Variants in RPS6KC1 observed in about 807,000 individuals in gnomAD.
RPS6KC1 encodes ribosomal protein S6 kinase C1, also known as inactive ribosomal protein S6 kinase delta-1.
In RPS6KC1, 54 loss-of-function variants were observed where a neutral mutation model predicts 103.8. That is an observed-to-expected ratio of 0.52 (90% CI 0.42 to 0.65). RPS6KC1 has a LOEUF of 0.65. RPS6KC1 is among the 30% of genes least tolerant of loss of function. The probability of loss-of-function intolerance (pLI) is 0.00; values close to 1 mark genes in which losing one functional copy is unlikely to be tolerated. For synonymous variants in RPS6KC1, 439 were observed against 438.7 expected, an observed-to-expected ratio of 1.00 and a Z score of -0.01; for missense variants, 1,151 against 1,253.8, an observed-to-expected ratio of 0.92 and a Z score of 1.24.
At chr1:213,623,869 T>C in the RPS6KC1 span, among the ~76,000 whole-genome samples, 1 of 152,224 alleles carries the variant, frequency 6.6e-6, no homozygotes. Flanking sequence ...TGTATTCACC[T>C]GTCATCTTAC....
the RPS6KC1 span, among the ~76,000 whole-genome samples, chr1:213,357,646 G>A: frequency 0.018 from 2,813 of 152,268 alleles, 146 homozygotes; most frequent in East Asian, 0.19. Context: ...CTCTCACTAG[G>A]GCCACCCCTG....
chr1:213,152,753 A>G (rs1273047224), intron 6 of RPS6KC1, among the ~76,000 whole-genome samples: 2 of 149,376 alleles, frequency 1.3e-5, no homozygotes, highest in South Asian at 2.1e-4. Context: ...CTCACTTTCC[A>G]GACTGGGCAG....
At chr1:213,209,696 A>G (rs964021417) in intron 8 of RPS6KC1, among the ~76,000 whole-genome samples, 10 of 30,496 alleles carry the variant, frequency 3.3e-4, no homozygotes, top group African/African-American at 2.3e-3. Context: ...ACTCCGTCTC[A>G]AAAAAAAAAA....
the RPS6KC1 span, among the ~76,000 whole-genome samples, chr1:213,359,391 T>C: frequency 6.6e-6 from 1 of 152,174 alleles, no homozygotes. Flanking sequence ...TTGCCTTTTT[T>C]TGTTTTCCAT....
intron 3 of RPS6KC1, among the ~76,000 whole-genome samples, chr1:213,093,751 A>T (rs1205806998): frequency 6.6e-6 from 1 of 152,114 alleles, no homozygotes; most frequent in Non-Finnish European, 1.5e-5. Flanking sequence ...TAAGGTAAGG[A>T]TAATACCTTA....
chr1:213,743,512 A>G, the RPS6KC1 span, among the ~76,000 whole-genome samples: 1 of 152,062 alleles, frequency 6.6e-6, no homozygotes. Flanking sequence ...AAAAGTTGAG[A>G]AAAAAAATAA....
At chr1:213,286,899 A>G in the RPS6KC1 span, among the ~76,000 whole-genome samples, 43 of 152,252 alleles carry the variant, frequency 2.8e-4, no homozygotes, top group African/African-American at 9.6e-4. Context: ...GCACAGAAAC[A>G]TGTTGACTGC....
the RPS6KC1 span, among the ~76,000 whole-genome samples, chr1:213,520,641 C>T: frequency 6.6e-6 from 1 of 152,070 alleles, no homozygotes; most frequent in South Asian, 2.1e-4. Context: ...TCAGACTTGA[C>T]CCATACCCAC....
chr1:213,510,482 C>T, the RPS6KC1 span, among the ~76,000 whole-genome samples: 7 of 152,116 alleles, frequency 4.6e-5, no homozygotes, highest in African/African-American at 1.7e-4. Flanking sequence ...TTGTGAAACT[C>T]CAGGCAGGGT....
At chr1:213,110,405 T>C (rs2082912221) in intron 4 of RPS6KC1, among the ~76,000 whole-genome samples, 1 of 152,204 alleles carries the variant, frequency 6.6e-6, no homozygotes, top group South Asian at 2.1e-4. Context: ...ACTAATACTT[T>C]TTGTTAGTGT....
At position 213,053,530 on chromosome 1, in the gene RPS6KC1, A is replaced by G. The variant is rs1572207467; in HGVS notation, c.105+2021A>G. Among the ~76,000 whole-genome samples, 4 of 152,358 alleles carry G rather than the reference A, an allele frequency of 2.6e-5. No individual in the cohort carries two copies. The East Asian group carries it at 7.7e-4, about 29-fold the overall frequency. Reference sequence around the variant, plus strand: ...ATCTTTATTCCTTTCAAGGATACTCATAGTAGAAGAGAGTTTAGTATACTT... The same window carrying G: ...ATCTTTATTCCTTTCAAGGATACTCGTAGTAGAAGAGAGTTTAGTATACTT... On this transcript the variant is annotated intron_variant, in intron 1 of 14. Coordinates refer to ENST00000366960, the MANE Select transcript of RPS6KC1 (RefSeq NM_012424.6).
the RPS6KC1 span, among the ~76,000 whole-genome samples, chr1:213,422,378 T>A: frequency 8.3e-3 from 1,269 of 152,334 alleles, 20 homozygotes; most frequent in African/African-American, 0.029. Context: ...TATGCCACAT[T>A]TTGTTTATTC....
chr1:213,550,134 C>T, the RPS6KC1 span, among the ~76,000 whole-genome samples: 2 of 152,142 alleles, frequency 1.3e-5, no homozygotes, highest in African/African-American at 2.4e-5. Flanking sequence ...GGACCTATGG[C>T]ACCAAAGCCC....
the RPS6KC1 span, among the ~76,000 whole-genome samples, chr1:213,626,521 T>C: frequency 7.2e-5 from 11 of 152,210 alleles, no homozygotes; most frequent in African/African-American, 2.7e-4. Context: ...TCCTGAATGG[T>C]ATTGCCTAGG....
At chr1:213,367,921 C>T in the RPS6KC1 span, among the ~76,000 whole-genome samples, 3 of 152,244 alleles carry the variant, frequency 2.0e-5, no homozygotes, top group Admixed American at 6.5e-5. Context: ...GAAACCTCTT[C>T]AGTTTCTTTT....
intron 4 of RPS6KC1, among the ~76,000 whole-genome samples, chr1:213,104,901 T>C (rs1268949823): frequency 6.6e-6 from 1 of 152,082 alleles, no homozygotes; most frequent in African/African-American, 2.4e-5. Context: ...TCATGGATCT[T>C]AAAAAATTGA....
At chr1:213,657,661 A>C in the RPS6KC1 span, among the ~76,000 whole-genome samples, 1 of 152,234 alleles carries the variant, frequency 6.6e-6, no homozygotes, top group Non-Finnish European at 1.5e-5. Flanking sequence ...AACACATGTG[A>C]ATAATGAATA....
At chr1:213,162,289 T>A (rs1364827916) in intron 6 of RPS6KC1, among the ~76,000 whole-genome samples, 2 of 152,140 alleles carry the variant, frequency 1.3e-5, no homozygotes, top group Non-Finnish European at 2.9e-5. Context: ...GACTGGCCAT[T>A]TTTATTGCCT....
chr1:213,408,127 C>G, the RPS6KC1 span, among the ~76,000 whole-genome samples: 3 of 152,230 alleles, frequency 2.0e-5, no homozygotes, highest in Admixed American at 2.0e-4. Flanking sequence ...GTACCTGGCT[C>G]TCTCTTAAAC....
Sources: allele counts gnomAD v4.1 joint callset (sites outside exome capture counted in the v4.1 genomes callset), GRCh38; gene constraint gnomAD v4.1.1; transcripts MANE v1.5; gene names NCBI Gene and HGNC (gene_info 2026-07-23, HGNC 2026-07-21).